Variants in CFAP61 observed in about 807,000 individuals in gnomAD.
CFAP61 encodes cilia and flagella associated protein 61.
CFAP61 carries 107 observed loss-of-function variants against 135.6 expected under a neutral mutation model. That is an observed-to-expected ratio of 0.79 (90% confidence interval 0.67 to 0.93). The LOEUF is 0.93. CFAP61 is among the 40% of genes least tolerant of loss of function. CFAP61 has a pLI of 0.00. For synonymous variants in CFAP61, 575 were observed against 578.5 expected (o/e 0.99, Z 0.09); for missense variants, 1,507 against 1,556.2 (o/e 0.97, Z 0.53).
chr20:20,173,800 A>G (rs766083881), intron 13 of CFAP61, among the ~76,000 whole-genome samples: 1 of 152,218 alleles, frequency 6.6e-6, no homozygotes, highest in Non-Finnish European at 1.5e-5. Context: ...CTGAATAAAT[A>G]CAATTGAATA....
chr20:20,089,764 C>A (rs1163189463), intron 6 of CFAP61, among the ~76,000 whole-genome samples: 1 of 152,138 alleles, frequency 6.6e-6, no homozygotes, highest in Admixed American at 6.5e-5. Context: ...CCTGCCACCG[C>A]CCCCTGTGCC....
chr20:20,190,804 A>G (rs1350430921), intron 14 of CFAP61, among the ~76,000 whole-genome samples: 1 of 152,198 alleles, frequency 6.6e-6, no homozygotes, highest in Non-Finnish European at 1.5e-5. Context: ...ATGAAGCAGT[A>G]AAATTATTAA....
intron 8 of CFAP61, among the ~76,000 whole-genome samples, chr20:20,132,499 A>G (rs2050616303): frequency 1.3e-5 from 2 of 152,074 alleles, no homozygotes; most frequent in Non-Finnish European, 1.5e-5. Flanking sequence ...CATAATTTTT[A>G]GGTTCAGTGT....
chr20:20,204,231 T>G (rs2056761152), intron 17 of CFAP61, among the ~76,000 whole-genome samples: 1 of 152,188 alleles, frequency 6.6e-6, no homozygotes, highest in African/African-American at 2.4e-5. Flanking sequence ...TGATCTTGTT[T>G]TTTTCTGGTT....
chr20:20,304,921 T>C (rs1011072693), intron 25 of CFAP61, among the ~76,000 whole-genome samples: 1 of 152,172 alleles, frequency 6.6e-6, no homozygotes, highest in African/African-American at 2.4e-5. Context: ...AGGTCTCGCC[T>C]ACAGAATCTC....
In CFAP61 at chr20:20,139,599, T is replaced by C. The variant is rs2051209693; in HGVS notation, c.860-3258T>C. ...GGATCTCAGGGGACATTATGAACAT[T>C]AAGTAATTAAACCTCGCAAGACCCC... On this transcript the variant is annotated intron_variant, in intron 8 of 26. Transcript: ENST00000245957. Among the ~76,000 whole-genome samples the C allele has an allele frequency of 1.3e-5, 2 of 152,170 alleles. 1 individual carries two copies. Among genetic ancestry groups the C allele is most frequent in the African/African-American group, 4.8e-5 (2 of 41,430 alleles).
chr20:20,287,388 A>G (rs886518615), intron 22 of CFAP61, among the ~76,000 whole-genome samples: 6 of 152,232 alleles, frequency 3.9e-5, no homozygotes, highest in Non-Finnish European at 7.3e-5. Context: ...GCACTGCCCA[A>G]TATGGCAGCC....
chr20:20,289,363 A>G (rs2054837124), intron 23 of CFAP61, among the ~76,000 whole-genome samples: 1 of 152,152 alleles, frequency 6.6e-6, no homozygotes, highest in South Asian at 2.1e-4. Flanking sequence ...GATAAGCTTA[A>G]CCATTTGCAG....
At chr20:20,279,696 C>G (rs975817919) in intron 22 of CFAP61, among the ~76,000 whole-genome samples, 1 of 152,176 alleles carries the variant, frequency 6.6e-6, no homozygotes, top group Non-Finnish European at 1.5e-5. Context: ...TGATCCAAGG[C>G]ACCTTCCTGC....
chr20:20,101,924 G>A (rs1185495425), intron 8 of CFAP61, among the ~76,000 whole-genome samples: 3 of 152,086 alleles, frequency 2.0e-5, no homozygotes, highest in South Asian at 2.1e-4. Flanking sequence ...CACCATGCCC[G>A]GCCAGTTTTT....
At position 20,092,262 on chromosome 20, in the gene CFAP61, T is replaced by TG. The variant is rs527899789; in HGVS notation, c.699+1286_699+1287insG. Among the ~76,000 whole-genome samples, 446 of 152,374 alleles carry TG rather than the reference T, an allele frequency of 2.9e-3. 1 individual carries two copies. Among genetic ancestry groups the TG allele is most frequent in the Non-Finnish European group, 4.4e-3 (299 of 68,032 alleles). ...GATTCAAGTTATATATGATTAAATA[T>TG]TTTTGAATTAGCAGCTATTGTAAAA... On this transcript the variant is annotated intron_variant, in intron 7 of 26. Transcript: ENST00000245957.
chr20:20,149,141 TA>T lies in CFAP61; in HGVS notation c.951+6194del, dbSNP rs1384732189. On this transcript the variant is annotated intron_variant, in intron 9 of 26. Coordinates refer to ENST00000245957, the MANE Select transcript of CFAP61 (RefSeq NM_015585.4). ...GCAGAATATACATTCTTTTCAAGTA[TA>T]CATAGAACATGGACAGTTTACCAAG... Among the ~76,000 whole-genome samples, 7 of 152,310 alleles carry T rather than the reference TA, an allele frequency of 4.6e-5. No homozygotes were observed. The East Asian group carries it at 1.3e-3, about 29-fold the overall frequency.
At chr20:20,053,636 A>G (rs2043958771) in intron 1 of CFAP61, among the ~76,000 whole-genome samples, 1 of 152,206 alleles carries the variant, frequency 6.6e-6, no homozygotes, top group Admixed American at 6.5e-5. Context: ...ACTTTCAACA[A>G]AAGATTTATG....
intron 8 of CFAP61, among the ~76,000 whole-genome samples, chr20:20,118,292 T>TCTTTCTTC (rs1313311424): frequency 7.9e-6 from 1 of 127,144 alleles, no homozygotes; most frequent in East Asian, 2.0e-4. Context: ...TTTCTTTCTT[T>TCTTTCTTC]CTTTCTTTCT....
intron 8 of CFAP61, among the ~76,000 whole-genome samples, chr20:20,137,163 G>A (rs2050994706): frequency 6.6e-6 from 1 of 152,198 alleles, no homozygotes; most frequent in African/African-American, 2.4e-5. Flanking sequence ...GTGACACAAA[G>A]CACCCTTGTG....
chr20:20,064,741 A>C (rs535224980), intron 2 of CFAP61, among the ~76,000 whole-genome samples: 2 of 152,320 alleles, frequency 1.3e-5, no homozygotes, highest in Admixed American at 6.5e-5. Flanking sequence ...GGACTACGGT[A>C]TTTCCCAAGA....
At chr20:20,067,789 T>TAC (rs200271579) in intron 2 of CFAP61, among the ~76,000 whole-genome samples, 2,395 of 146,174 alleles carry the variant, frequency 0.016, 66 homozygotes, top group African/African-American at 0.056. Flanking sequence ...TATATATATA[T>TAC]ATACCTACCT....
intron 18 of CFAP61, among the ~76,000 whole-genome samples, chr20:20,236,744 A>G (rs2049622627): frequency 6.6e-6 from 1 of 152,046 alleles, no homozygotes; most frequent in East Asian, 1.9e-4. Flanking sequence ...ATCCTCCCCA[A>G]CCAGAAGTGA....
chr20:20,200,013 A>C, intron 17 of CFAP61, 111 bp downstream of exon 17: 6 of 1,276,628 alleles, frequency 4.7e-6, no homozygotes, highest in Non-Finnish European at 6.6e-6. Flanking sequence ...ATTACAGGGA[A>C]CCTGGTGCTC....
Sources: gnomAD v4.1 joint callset for allele counts (sites outside exome capture counted in the v4.1 genomes callset) on GRCh38, gnomAD v4.1.1 for gene constraint, MANE v1.5 for transcripts, NCBI Gene and HGNC (gene_info 2026-07-23, HGNC 2026-07-21) for gene names.